ARAP2: variants seen among roughly 807,000 people sequenced by gnomAD.
ARAP2 encodes arf-GAP with Rho-GAP domain, ANK repeat and PH domain-containing protein 2.
In ARAP2, 148 loss-of-function variants were observed where a neutral mutation model predicts 194.5. That is an observed-to-expected ratio of 0.76 (90% CI 0.67 to 0.87). ARAP2 has a LOEUF of 0.87. Among genes scored for constraint, ARAP2 ranks in the 40% least tolerant of loss-of-function variants. The pLI, the probability that ARAP2 is intolerant of heterozygous loss-of-function variation, is 0.00. For missense variants in ARAP2, 2,128 were observed against 1,989.7 expected (o/e 1.07, Z -1.32); for synonymous variants, 695 against 683.5 (o/e 1.02, Z -0.26).
intron 27 of ARAP2, among the ~76,000 whole-genome samples, chr4:36,097,386 T>C (rs1417763123): frequency 6.6e-6 from 1 of 152,066 alleles, no homozygotes; most frequent in African/African-American, 2.4e-5. Context: ...TCCCAAGATG[T>C]TAAAATAAGT....
chr4:36,037,304 T>C (rs1417773353), intron 5 of ARAP2, among the ~76,000 whole-genome samples: 1 of 152,130 alleles, frequency 6.6e-6, no homozygotes, highest in East Asian at 1.9e-4. Flanking sequence ...ACCTTATTCA[T>C]TTCACCACTG....
At chr4:36,120,877 C>T (rs1459970674) in intron 23 of ARAP2, among the ~76,000 whole-genome samples, 1 of 151,524 alleles carries the variant, frequency 6.6e-6, no homozygotes, top group East Asian at 1.9e-4. Flanking sequence ...CTTCACACTT[C>T]TAAGTAGATA....
intron 21 of ARAP2, among the ~76,000 whole-genome samples, chr4:36,125,286 C>A (rs1167820332): frequency 6.6e-6 from 1 of 151,870 alleles, no homozygotes; most frequent in Non-Finnish European, 1.5e-5. Flanking sequence ...TTTAACTTAA[C>A]AGGAATACAT....
At chr4:36,070,396 T>G (rs1726564130) in intron 32 of ARAP2, among the ~76,000 whole-genome samples, 1 of 152,128 alleles carries the variant, frequency 6.6e-6, no homozygotes, top group African/African-American at 2.4e-5. Context: ...GAGAGAGAGA[T>G]AAAGTCTGAA....
chr4:36,060,884 C>T (rs1724307758), intron 1 of ARAP2, among the ~76,000 whole-genome samples: 2 of 152,110 alleles, frequency 1.3e-5, no homozygotes, highest in South Asian at 2.1e-4. Context: ...TTTAACTCAA[C>T]CACCTCTGTG....
intron 26 of ARAP2, among the ~76,000 whole-genome samples, chr4:36,110,648 A>G (rs766318852): frequency 4.6e-5 from 7 of 151,978 alleles, no homozygotes; most frequent in Non-Finnish European, 2.9e-5. Flanking sequence ...CCAATGTAAT[A>G]TAAAATGAAA....
chr4:36,034,122 C>G (rs1441104594), intron 5 of ARAP2, among the ~76,000 whole-genome samples: 1 of 152,104 alleles, frequency 6.6e-6, no homozygotes, highest in Non-Finnish European at 1.5e-5. Flanking sequence ...ATTGCCTTCA[C>G]TATTCAGGCT....
intron 8 of ARAP2, among the ~76,000 whole-genome samples, chr4:36,178,860 G>A (rs918337215): frequency 2.0e-5 from 3 of 152,054 alleles, no homozygotes; most frequent in Admixed American, 2.0e-4. Context: ...AAACTATGGG[G>A]GTAAAAAAGA....
At chr4:36,071,908 A>T (rs1281481940) in intron 32 of ARAP2, among the ~76,000 whole-genome samples, 1 of 148,236 alleles carries the variant, frequency 6.7e-6, no homozygotes, top group Non-Finnish European at 1.5e-5. Flanking sequence ...TGTCCATGTG[A>T]TCTCATTGTT....
chr4:36,088,097 C>A (rs989754845), intron 28 of ARAP2, among the ~76,000 whole-genome samples: 1 of 152,098 alleles, frequency 6.6e-6, no homozygotes, highest in Admixed American at 6.6e-5. Context: ...ATTACTACTA[C>A]CACCAACTAC....
chr4:36,163,110 G>GT (rs1337332169), intron 11 of ARAP2, among the ~76,000 whole-genome samples: 3 of 152,122 alleles, frequency 2.0e-5, no homozygotes, highest in African/African-American at 7.2e-5. Flanking sequence ...GTCCAACAGC[G>GT]TGAGAATCAT....
chr4:36,159,360 A>C lies in ARAP2; in HGVS notation c.2588T>G (p.Met863Arg). 6.2e-7 allele frequency: 1 copy of C among 1,608,426 alleles called. No individual in the cohort carries two copies. The highest frequency in any genetic ancestry group is 8.5e-7 in the Non-Finnish European group (1 of 1,176,730). The change falls in exon 14 of 33, where the codon ATG becomes AGG. Residue 863 changes from methionine (M) to arginine (R), a missense_variant. Physicochemically the swap from Met to Arg is moderately conservative, Grantham distance 91. Transcript: ENST00000303965. ...GAATTTGTTATGGTAGAGAAATTCC[A>C]TTTGCAGACTTTGCCCAGCTTTCTT... ...LAKKAGQSLQ[M>R]EFLYHNKFSD... is the part of the protein sequence containing the mutation.
intron 8 of ARAP2, among the ~76,000 whole-genome samples, chr4:36,013,581 G>A (rs1439862468): frequency 1.3e-5 from 2 of 152,144 alleles, no homozygotes; most frequent in African/African-American, 4.8e-5. Flanking sequence ...TATGGATTTA[G>A]ATCAAGATAG....
At chr4:36,033,255 C>T (rs1577602141) in intron 5 of ARAP2, among the ~76,000 whole-genome samples, 1 of 152,140 alleles carries the variant, frequency 6.6e-6, no homozygotes, top group East Asian at 1.9e-4. Flanking sequence ...GCCATTCTAA[C>T]TATCAATAAT....
intron 3 of ARAP2, among the ~76,000 whole-genome samples, chr4:36,049,128 T>C (rs1278539179): frequency 6.6e-6 from 1 of 152,092 alleles, no homozygotes; most frequent in East Asian, 1.9e-4. Context: ...TGTAGCATTG[T>C]TTTTATCTAT....
At chr4:36,015,371 C>G (rs550811440) in intron 8 of ARAP2, 15 of 152,322 alleles carry the variant, frequency 9.8e-5, no homozygotes, top group African/African-American at 3.6e-4. Context: ...CTTTAAACAA[C>G]TATCACTTGC....
intron 9 of ARAP2, among the ~76,000 whole-genome samples, chr4:36,010,016 C>T (rs1714161400): frequency 6.6e-6 from 1 of 151,784 alleles, no homozygotes; most frequent in South Asian, 2.1e-4. Context: ...TCACATAGGT[C>T]CTCAGTTGTA....
chr4:36,063,655 T>G (rs1724848381), downstream of ARAP2, among the ~76,000 whole-genome samples: 1 of 152,198 alleles, frequency 6.6e-6, no homozygotes. Context: ...AATGGTACTT[T>G]AGGTCACTAG....
chr4:36,115,335 A>G (rs1021140363), intron 25 of ARAP2, among the ~76,000 whole-genome samples: 7 of 152,042 alleles, frequency 4.6e-5, no homozygotes, highest in African/African-American at 1.7e-4. Flanking sequence ...ATCTAGGAAT[A>G]ACAGAGAACA....
Sources: allele counts gnomAD v4.1 joint callset (sites outside exome capture counted in the v4.1 genomes callset), GRCh38; gene constraint gnomAD v4.1.1; transcripts MANE v1.5; gene names NCBI Gene and HGNC (gene_info 2026-07-23, HGNC 2026-07-21).